The following RRP12 variants were observed in gnomAD, a reference collection of about 807,000 sequenced individuals.
The protein encoded by RRP12 is ribosomal RNA processing 12 homolog, also known as RRP12-like protein.
RRP12 carries 78 observed loss-of-function variants against 157.3 expected under a neutral mutation model. That is an observed-to-expected ratio of 0.50 (90% CI 0.41 to 0.60). The LOEUF is 0.60. Ranked by LOEUF, RRP12 falls within the 20% of genes least tolerant of loss-of-function variation. RRP12 has a pLI of 0.00. For synonymous variants in RRP12, 726 were observed against 670.9 expected, an observed-to-expected ratio of 1.08 and a Z score of -1.27; for missense variants, 1,521 against 1,679.9, an observed-to-expected ratio of 0.91 and a Z score of 1.65.
intron 6 of RRP12, among the ~76,000 whole-genome samples, chr10:97,389,744 G>A (rs1481680997): frequency 2.0e-5 from 3 of 151,834 alleles, no homozygotes; most frequent in Non-Finnish European, 2.9e-5. Context: ...ATGGAGTCTC[G>A]TTCTGTTGCC....
In RRP12 at chr10:97,396,253, C is replaced by G; in HGVS notation, c.418G>C (p.Gly140Arg). ...AVTEVIRSQG[G>R]KETETEYFAA... ...AAGTACTCAGTCTCCGTCTCCTTCC[C>G]TCCCTGGGAGCGAATCACCTCAGTG... Residue 140 changes from glycine to arginine, a missense_variant, in exon 3 of 34, where the codon GGG (glycine) becomes CGG (arginine). Physicochemically the swap from Gly to Arg is moderately radical, Grantham distance 125 (BLOSUM62 -2). Transcript: ENST00000370992. 1 of 1,613,894 alleles carries G rather than the reference C, an allele frequency of 6.2e-7. No homozygotes were observed. Among genetic ancestry groups the G allele is most frequent in the Non-Finnish European group, 8.5e-7 (1 of 1,179,812 alleles).
chr10:97,364,655 T>C (rs1293944074), intron 29 of RRP12, among the ~76,000 whole-genome samples: 2 of 152,228 alleles, frequency 1.3e-5, no homozygotes, highest in East Asian at 1.9e-4. Flanking sequence ...ACATGGAGAC[T>C]GCAGTGAGTC....
chr10:97,364,740 C>A (rs1396428395), intron 29 of RRP12, among the ~76,000 whole-genome samples: 3 of 152,164 alleles, frequency 2.0e-5, no homozygotes, highest in Non-Finnish European at 4.4e-5. Flanking sequence ...TGACCAAGGG[C>A]TGAAGACTGG....
chr10:97,392,982 C>T (rs1424839149), intron 4 of RRP12, among the ~76,000 whole-genome samples: 1 of 152,126 alleles, frequency 6.6e-6, no homozygotes, highest in African/African-American at 2.4e-5. Context: ...ATCTGCCCAC[C>T]TCAGCCTCCC....
Position 97,379,305 on chromosome 10 carries a change from G to C in RRP12, c.1786C>G (p.Leu596Val). 1 of 1,614,028 alleles carries C rather than the reference G, an allele frequency of 6.2e-7. No individual in the cohort carries two copies. The highest frequency in any genetic ancestry group is 8.5e-7 in the Non-Finnish European group (1 of 1,179,946). ...TTYFLPLANT[L>V]KSKAMDLAQA... ...GGGTCTCTCCTACCTTTGCTCTTCA[G>C]GGTGTTAGCCAGGGGCAAGAAGTAG... Residue 596 changes from leucine to valine, a missense_variant, in exon 15 of 34, where the codon CTG (leucine) becomes GTG (valine). Transcript: ENST00000370992.
chr10:97,379,672 A>G lies in RRP12; in HGVS notation c.1632T>C (p.Pro544=), dbSNP rs1171110528. 1.2e-6 allele frequency: 2 copies of G among 1,613,970 alleles called. No individual in the cohort carries two copies. The highest frequency in any genetic ancestry group is 3.3e-5 in the Admixed American group (2 of 60,004). The part of the protein sequence containing the change: ...AVGAAVTSMG[P]EVVLQAVPLE... ...AAGGCACAGCCTGCAGCACCACCTC[A>G]GGTCCCATACTGGTCACCGCAGCCC... Residue 544 remains proline (P), a synonymous_variant, in exon 14 of 34, where the codon CCT becomes CCC. Transcript: ENST00000370992.
At position 97,401,075 on chromosome 10, in the gene RRP12, G is replaced by A. The variant is rs140281864; in HGVS notation, c.139+18C>T. 1,629 of 1,611,304 alleles carry A rather than the reference G, an allele frequency of 1.0e-3. 17 individuals carry two copies. The African/African-American group carries it at 0.02, about 20-fold the overall frequency. On this transcript the variant is annotated intron_variant, in intron 1 of 33. Transcript: ENST00000370992. ...TGGAACCCCGCCCCCGGCTGCGCTCGGGTCTCAACCCAGCTACCTGACGGC... is the reference window on the plus strand; with the variant it reads ...TGGAACCCCGCCCCCGGCTGCGCTCAGGTCTCAACCCAGCTACCTGACGGC...
At chr10:97,375,924 C>T (rs1048159057) in intron 15 of RRP12, among the ~76,000 whole-genome samples, 1 of 152,000 alleles carries the variant, frequency 6.6e-6, no homozygotes, top group African/African-American at 2.4e-5. Flanking sequence ...GCCAACATGG[C>T]GAAAACTTGT....
intron 25 of RRP12, among the ~76,000 whole-genome samples, chr10:97,368,968 C>T (rs746169851): frequency 1.3e-5 from 2 of 152,164 alleles, no homozygotes; most frequent in Non-Finnish European, 2.9e-5. Context: ...GGACCCTATA[C>T]CAAGGGGCTC....
chr10:97,384,273 A>G (rs1844552774), intron 10 of RRP12, among the ~76,000 whole-genome samples: 1 of 148,238 alleles, frequency 6.7e-6, no homozygotes, highest in Admixed American at 6.7e-5. Flanking sequence ...GGCAGCCAGG[A>G]CAGAGGCCCT....
chr10:97,365,835 C>A, intron 29 of RRP12: 46 of 328,568 alleles, frequency 1.4e-4, no homozygotes, highest in South Asian at 2.7e-4. Context: ...AGGAGAAAAA[C>A]AGAAGAGACT....
chr10:97,376,249 C>G (rs1488799455), intron 15 of RRP12, among the ~76,000 whole-genome samples: 1 of 129,044 alleles, frequency 7.7e-6, no homozygotes, highest in Non-Finnish European at 1.6e-5. Flanking sequence ...AAGTCTCGCT[C>G]TGTCTCCCAG....
Position 97,358,642 on chromosome 10 carries a change from T to G in RRP12, c.3709-23A>C, listed in dbSNP as rs368974069. On this transcript the variant is annotated intron_variant, in intron 32 of 33. Coordinates refer to ENST00000370992, the MANE Select transcript of RRP12 (RefSeq NM_015179.4). ...TTTCTGCTTGCCCAGAGAAACAGAG[T>G]CAGCTAGGAGGGTGGGGTTCCCCTT... The G allele has an allele frequency of 1.0e-5, 16 of 1,588,676 alleles. No homozygotes were observed. The African/African-American group carries it at 1.9e-4, about 19-fold the overall frequency.
chr10:97,369,473 T>C lies in RRP12; in HGVS notation c.2907A>G (p.Ala969=), dbSNP rs6584122. ...GGTGCGCCACGTCCATGACAGTCACTGCCACCTTGATGAAGCCCAGTGCAG... is the reference window on the plus strand; with the variant it reads ...GGTGCGCCACGTCCATGACAGTCACCGCCACCTTGATGAAGCCCAGTGCAG... ...VKSALGFIKV[A]VTVMDVAHLA... The change falls in exon 25 of 34, where the codon GCA becomes GCG. Residue 969 remains alanine (A), a synonymous_variant. Transcript: ENST00000370992. 208,607 of 1,611,228 alleles carry C rather than the reference T, an allele frequency of 0.13. 14,157 individuals are homozygous for C. Among genetic ancestry groups the C allele is most frequent in the African/African-American group, 0.2 (15,033 of 74,956 alleles).
chr10:97,373,033 T>G lies in RRP12; in HGVS notation c.2181+13A>C, dbSNP rs1844202017. 1 of 1,602,858 alleles carries G rather than the reference T, an allele frequency of 6.2e-7. No homozygotes were observed. The highest frequency in any genetic ancestry group is 8.5e-7 in the Non-Finnish European group (1 of 1,172,558). ...CTCCCCTCCTCCCTCCTTCCCTCCC[T>G]TCCGTGGCTCACCTGAGTGTCAGTG... On this transcript the variant is annotated intron_variant, in intron 18 of 33. Coordinates refer to ENST00000370992, the MANE Select transcript of RRP12 (RefSeq NM_015179.4).
chr10:97,397,739 C>G (rs1411690563), intron 2 of RRP12, among the ~76,000 whole-genome samples: 1 of 150,942 alleles, frequency 6.6e-6, no homozygotes, highest in Non-Finnish European at 1.5e-5. Context: ...GTGGGCAGAT[C>G]CCTTGAGCCC....
At position 97,380,391 on chromosome 10, in the gene RRP12, T is replaced by C. The variant is rs1294648959; in HGVS notation, c.1533+408A>G. ...CTACGGTCTGCTCAGGATCCCTGAG[T>C]GATCCCTGATCCTTAAATGGTTAAC... On this transcript the variant is annotated intron_variant, in intron 13 of 33. Transcript: ENST00000370992. Among the ~76,000 whole-genome samples, 3 of 152,216 alleles carry C rather than the reference T, an allele frequency of 2.0e-5. No homozygotes were observed. In the East Asian group the frequency reaches 5.8e-4, roughly 29 times the overall value.
chr10:97,357,235 G>T, intron 33 of RRP12, 39 bp from the exon 34 acceptor site: 1 of 1,337,872 alleles, frequency 7.5e-7, no homozygotes, highest in Non-Finnish European at 1.1e-6. Context: ...ATCTGGCTGA[G>T]AATAGGAGGC....
chr10:97,377,861 A>T (rs1034164705), intron 15 of RRP12, among the ~76,000 whole-genome samples: 72 of 151,514 alleles, frequency 4.8e-4, no homozygotes, highest in Non-Finnish European at 8.7e-4. Flanking sequence ...AAAAAAAAAA[A>T]GAAAAAAAAA....
Sources: gnomAD v4.1 joint callset for allele counts (sites outside exome capture counted in the v4.1 genomes callset) on GRCh38, gnomAD v4.1.1 for gene constraint, MANE v1.5 for transcripts, NCBI Gene and HGNC (gene_info 2026-07-23, HGNC 2026-07-21) for gene names.